Variants in RBFOX3 observed in about 807,000 individuals in gnomAD.
RBFOX3 encodes the protein RNA binding fox-1 homolog 3.
Under a neutral mutation model 48.7 loss-of-function variants are expected in RBFOX3, and 17 were observed. The observed-to-expected ratio is 0.35, with a 90% CI of 0.24 to 0.52. The LOEUF (loss-of-function observed/expected upper bound fraction) is 0.52, where lower values mean the gene tolerates loss of function less well. Ranked by LOEUF, RBFOX3 falls within the 20% of genes least tolerant of loss-of-function variation. RBFOX3 has a pLI of 0.94. For synonymous variants in RBFOX3, 212 were observed against 209.5 expected, an observed-to-expected ratio of 1.01 and a Z score of -0.10; for missense variants, 382 against 497.5, an observed-to-expected ratio of 0.77 and a Z score of 2.21.
At chr17:79,413,227 C>A (rs2064760736) in intron 2 of RBFOX3, among the ~76,000 whole-genome samples, 1 of 152,222 alleles carries the variant, frequency 6.6e-6, no homozygotes, top group South Asian at 2.1e-4. Flanking sequence ...CCCTCCCCTG[C>A]AGTGCCCATT....
chr17:79,534,543 G>A (rs555368653), intron 1 of RBFOX3, among the ~76,000 whole-genome samples: 1 of 152,304 alleles, frequency 6.6e-6, no homozygotes, highest in Non-Finnish European at 1.5e-5. Flanking sequence ...TCCTGGAGGG[G>A]CTGACATCCT....
chr17:79,379,975 G>A (rs1439329165), intron 2 of RBFOX3, among the ~76,000 whole-genome samples: 1 of 151,996 alleles, frequency 6.6e-6, no homozygotes, highest in Non-Finnish European at 1.5e-5. Context: ...CTCCCTGTCC[G>A]CACATCCCCG....
chr17:79,103,959 C>A lies in RBFOX3; in HGVS notation c.414+114G>T. On this transcript the variant is annotated intron_variant, in intron 7 of 14. Coordinates refer to ENST00000693108, the MANE Select transcript of RBFOX3 (RefSeq NM_001350451.2). The surrounding 1 kb of genome is among the most constrained non-coding windows in gnomAD (Gnocchi z 6.1). ...GAGCGGGGAATACAAGCACCCGTGT[C>A]GCTCAGGGGTCCTCGGGCGCGAAGC... The A allele has an allele frequency of 1.2e-6, 1 of 844,908 alleles. No individual in the cohort carries two copies. Among genetic ancestry groups the A allele is most frequent in the Non-Finnish European group, 1.9e-6 (1 of 515,626 alleles). The allele number at this position is 844,908 out of a possible 1,614,324, so 52.3% of individuals were successfully genotyped here. A position where few individuals can be genotyped will look rare whatever the true frequency, so the allele number is the denominator to read the frequency against.
At chr17:79,098,024 G>A (rs568781315) in intron 9 of RBFOX3, 6 of 449,784 alleles carry the variant, frequency 1.3e-5, no homozygotes, top group African/African-American at 3.9e-5. Flanking sequence ...ACCCCTGGGC[G>A]TCATCCCCCG....
intron 4 of RBFOX3, among the ~76,000 whole-genome samples, chr17:79,229,030 C>T (rs1450023405): frequency 6.0e-5 from 2 of 33,388 alleles, no homozygotes; most frequent in Non-Finnish European, 1.3e-4. Flanking sequence ...GAGTTCAAGA[C>T]CAGCTGGCCA....
chr17:79,605,767 T>C (rs2093815200), intron 1 of RBFOX3, among the ~76,000 whole-genome samples: 1 of 152,232 alleles, frequency 6.6e-6, no homozygotes, highest in East Asian at 1.9e-4. Flanking sequence ...AGTGCTTGGC[T>C]CTTGGTCCTA....
chr17:79,549,746 C>T (rs1296514470), intron 1 of RBFOX3, among the ~76,000 whole-genome samples: 1 of 152,222 alleles, frequency 6.6e-6, no homozygotes, highest in Non-Finnish European at 1.5e-5. Context: ...AGGAATCTGA[C>T]TGTCACCATG....
chr17:79,641,979 C>A, the RBFOX3 span, among the ~76,000 whole-genome samples: 1 of 152,260 alleles, frequency 6.6e-6, no homozygotes, highest in African/African-American at 2.4e-5. Flanking sequence ...CACCATGCTT[C>A]CTGTACAACC....
intron 1 of RBFOX3, among the ~76,000 whole-genome samples, chr17:79,595,238 C>A (rs998869730): frequency 6.6e-5 from 10 of 151,626 alleles, no homozygotes; most frequent in Non-Finnish European, 7.4e-5. Flanking sequence ...CAGAAAGAAA[C>A]CGGCACGCAG....
At chr17:79,170,128 A>AGGAAGGAAGGG (rs2048892180) in intron 4 of RBFOX3, among the ~76,000 whole-genome samples, 11 of 135,792 alleles carry the variant, frequency 8.1e-5, no homozygotes, top group African/African-American at 2.9e-4. Context: ...GGAAGGAAGG[A>AGGAAGGAAGGG]AGGAGGAAGG....
At chr17:79,116,983 C>A (rs2147047085) in intron 4 of RBFOX3, among the ~76,000 whole-genome samples, 1 of 152,356 alleles carries the variant, frequency 6.6e-6, no homozygotes, top group African/African-American at 2.4e-5. Flanking sequence ...GACCTAGGGC[C>A]TGAGAAGCAG....
chr17:79,428,552 C>T (rs571188403), intron 2 of RBFOX3, among the ~76,000 whole-genome samples: 8 of 152,244 alleles, frequency 5.3e-5, no homozygotes, highest in South Asian at 2.1e-4. Context: ...AGGTGACCCA[C>T]GGGCCTTCCT....
At chr17:79,171,467 T>A (rs960795513) in intron 4 of RBFOX3, among the ~76,000 whole-genome samples, 1 of 152,152 alleles carries the variant, frequency 6.6e-6, no homozygotes, top group Non-Finnish European at 1.5e-5. Context: ...AGGCAAAAGC[T>A]AACACAGACA....
chr17:79,220,182 C>T lies in RBFOX3; in HGVS notation c.-34+15584G>A, dbSNP rs1053617167. On this transcript the variant is annotated intron_variant, in intron 4 of 14. Coordinates refer to ENST00000693108, the MANE Select transcript of RBFOX3 (RefSeq NM_001350451.2). This position sits in a 1 kb window ranked among gnomAD's most constrained non-coding sequence, Gnocchi z 5.9. ...ACGCAGTCCACGCTTGGTACATACC[C>T]AAAAATACATCATCATTTCGGAACC... 6.6e-6 allele frequency among the ~76,000 whole-genome samples: 1 copy of T among 152,174 alleles called. No homozygotes were observed. Among genetic ancestry groups the T allele is most frequent in the Non-Finnish European group, 1.5e-5 (1 of 68,034 alleles).
chr17:79,649,311 G>T, the RBFOX3 span, among the ~76,000 whole-genome samples: 2 of 152,216 alleles, frequency 1.3e-5, no homozygotes, highest in Non-Finnish European at 2.9e-5. Context: ...ACAAGCCAGT[G>T]AGATGCCTGG....
At chr17:79,276,128 C>T (rs950915823) in intron 3 of RBFOX3, among the ~76,000 whole-genome samples, 6 of 152,178 alleles carry the variant, frequency 3.9e-5, no homozygotes, top group South Asian at 2.1e-4. Flanking sequence ...ACAAAGGCCC[C>T]GCGTGGCATG....
chr17:79,638,688 T>C, the RBFOX3 span, among the ~76,000 whole-genome samples: 2 of 152,210 alleles, frequency 1.3e-5, no homozygotes, highest in Admixed American at 6.5e-5. Context: ...TAATGCCCTT[T>C]CTTAGGGAAG....
intron 2 of RBFOX3, among the ~76,000 whole-genome samples, chr17:79,470,257 G>A (rs1598837773): frequency 8.7e-6 from 1 of 115,118 alleles, no homozygotes; most frequent in African/African-American, 2.6e-5. Flanking sequence ...TGGCCCACAT[G>A]TGTGTACCTG....
At chr17:79,161,655 G>A (rs1449100082) in intron 4 of RBFOX3, among the ~76,000 whole-genome samples, 1 of 152,150 alleles carries the variant, frequency 6.6e-6, no homozygotes, top group African/African-American at 2.4e-5. Flanking sequence ...GAGTGCAGTG[G>A]CGCGATCTTG....
Sources: allele counts gnomAD v4.1 joint callset (sites outside exome capture counted in the v4.1 genomes callset), GRCh38; gene constraint gnomAD v4.1.1; non-coding constraint Gnocchi (gnomAD v3.1); transcripts MANE v1.5; gene names NCBI Gene and HGNC (gene_info 2026-07-23, HGNC 2026-07-21).